The following POC1A variants were observed in gnomAD, a reference collection of about 807,000 sequenced individuals.
POC1A encodes POC1 centriolar protein homolog A.
In POC1A, 34 loss-of-function variants were observed where a neutral mutation model predicts 47.8. The observed-to-expected ratio is 0.71, with a 90% confidence interval of 0.54 to 0.95. The LOEUF is 0.95. POC1A is among the 40% of genes least tolerant of loss of function. The pLI is 0.00. For synonymous variants in POC1A, 177 were observed against 207.6 expected, an observed-to-expected ratio of 0.85 and a Z score of 1.27; for missense variants, 466 against 528.3, an observed-to-expected ratio of 0.88 and a Z score of 1.16.
At chr3:52,152,292 G>A (rs148137143) in intron 1 of POC1A, among the ~76,000 whole-genome samples, 44 of 151,566 alleles carry the variant, frequency 2.9e-4, no homozygotes, top group African/African-American at 9.9e-4. Context: ...GTAGTTAGCC[G>A]GGCACAGTGG....
intron 9 of POC1A, among the ~76,000 whole-genome samples, chr3:52,121,465 G>C (rs768091183): frequency 2.6e-5 from 4 of 152,224 alleles, no homozygotes; most frequent in Non-Finnish European, 5.9e-5. Flanking sequence ...CCAATGCCTA[G>C]AGGCAGACCA....
chr3:52,085,629 A>C (rs572209775), intron 10 of POC1A, among the ~76,000 whole-genome samples: 1 of 152,150 alleles, frequency 6.6e-6, no homozygotes, highest in East Asian at 1.9e-4. Flanking sequence ...GGGCCCTTGG[A>C]AAATGCCACT....
chr3:52,115,398 C>A (rs571901483), intron 9 of POC1A, among the ~76,000 whole-genome samples: 36 of 152,296 alleles, frequency 2.4e-4, no homozygotes, highest in African/African-American at 8.7e-4. Context: ...ACCTACAACA[C>A]CGCTCTTGCT....
chr3:52,124,049 G>A (rs752706697), intron 8 of POC1A, among the ~76,000 whole-genome samples: 15 of 152,176 alleles, frequency 9.9e-5, no homozygotes, highest in Non-Finnish European at 1.9e-4. Flanking sequence ...TGCCTTACTG[G>A]AAGAGACTCA....
Position 52,145,841 on chromosome 3 carries a change from C to G in POC1A, c.679+5G>C. The stretch of plus-strand genomic sequence containing the variant: ...CTTGGGCCCAGGAGGCTGTTCACCA[C>G]TCACACTGATAATGCTGCAGCAGCC... On this transcript the variant is annotated splice_donor_5th_base_variant and intron_variant, in intron 6 of 10. Coordinates refer to ENST00000296484, the MANE Select transcript of POC1A (RefSeq NM_015426.5). The G allele has an allele frequency of 6.2e-7, 1 of 1,601,500 alleles. No homozygotes were observed. The highest frequency in any genetic ancestry group is 8.6e-7 in the Non-Finnish European group (1 of 1,168,946).
At chr3:52,112,076 G>A (rs1482968073) in intron 9 of POC1A, among the ~76,000 whole-genome samples, 4 of 152,222 alleles carry the variant, frequency 2.6e-5, no homozygotes, top group African/African-American at 7.2e-5. Flanking sequence ...CCACACGCCT[G>A]CCTGTCTGGT....
At chr3:52,077,236 C>T (rs1702144342) in intron 10 of POC1A, among the ~76,000 whole-genome samples, 1 of 152,262 alleles carries the variant, frequency 6.6e-6, no homozygotes, top group African/African-American at 2.4e-5. Context: ...TTAACCTCAC[C>T]CGTGTGCTTT....
intron 10 of POC1A, among the ~76,000 whole-genome samples, chr3:52,082,911 CAT>C (rs1365427118): frequency 4.6e-5 from 7 of 152,128 alleles, no homozygotes; most frequent in East Asian, 1.9e-4. Context: ...TCTCTACTGA[CAT>C]AGAGTAATTA....
At chr3:52,109,080 C>A (rs1213813929) in intron 9 of POC1A, among the ~76,000 whole-genome samples, 1 of 152,196 alleles carries the variant, frequency 6.6e-6, no homozygotes, top group Non-Finnish European at 1.5e-5. Context: ...GCCCCCTCAG[C>A]TACTCCGCCT....
chr3:52,146,787 G>A (rs577463384), intron 5 of POC1A, among the ~76,000 whole-genome samples: 28 of 152,212 alleles, frequency 1.8e-4, no homozygotes, highest in Admixed American at 8.5e-4. Flanking sequence ...TTTGTGGGAT[G>A]GGGCCAAAGC....
At chr3:52,097,665 T>C (rs147397171) in intron 9 of POC1A, among the ~76,000 whole-genome samples, 18 of 152,306 alleles carry the variant, frequency 1.2e-4, no homozygotes, top group Admixed American at 2.0e-4. Flanking sequence ...TCTATTCTCA[T>C]AGATCACAAA....
chr3:52,149,163 C>A, intron 4 of POC1A, 47 bp downstream of exon 4: 1 of 1,579,452 alleles, frequency 6.3e-7, no homozygotes, highest in South Asian at 1.1e-5. Flanking sequence ...GGCCAGCCCC[C>A]AACCCCCAGG....
At chr3:52,103,697 C>T (rs1703074651) in intron 9 of POC1A, among the ~76,000 whole-genome samples, 1 of 151,846 alleles carries the variant, frequency 6.6e-6, no homozygotes, top group Non-Finnish European at 1.5e-5. Context: ...CTTCAAAATC[C>T]AAAACTTCTG....
chr3:52,125,942 G>T (rs1429415142), intron 7 of POC1A, among the ~76,000 whole-genome samples: 1 of 152,152 alleles, frequency 6.6e-6, no homozygotes, highest in African/African-American at 2.4e-5. Flanking sequence ...AGCAAAGGAG[G>T]GTTCTTCCCC....
chr3:52,122,446 A>G lies in POC1A; in HGVS notation c.914T>C (p.Val305Ala). ...VMVWKSNFDI[V>A]DHGEVTKVPR... ...CACTTTCGTGACTTCTCCATGATCA[A>G]CAATATCAAAGTTACTCTTCCAAAC... is the stretch of plus-strand genomic sequence containing the variant. The change falls in exon 9 of 11, where the codon GTT becomes GCT. Residue 305 changes from valine (V) to alanine (A), a missense_variant. Physicochemically the swap from Val to Ala is moderately conservative, Grantham distance 64. Coordinates refer to ENST00000296484, the MANE Select transcript of POC1A (RefSeq NM_015426.5). 2 of 1,612,562 alleles carry G rather than the reference A, an allele frequency of 1.2e-6. No homozygotes were observed. The highest frequency in any genetic ancestry group is 2.2e-5 in the South Asian group (2 of 91,054).
At chr3:52,129,947 CA>C (rs1322627825) in intron 7 of POC1A, among the ~76,000 whole-genome samples, 9 of 152,250 alleles carry the variant, frequency 5.9e-5, no homozygotes, top group African/African-American at 1.9e-4. Flanking sequence ...TAAGGCAAAA[CA>C]AGGGAGCCCA....
Position 52,075,348 on chromosome 3 carries a change from C to T in POC1A, c.*539G>A, listed in dbSNP as rs531253460. On this transcript the variant is annotated 3_prime_UTR_variant, in exon 11 of 11. Transcript: ENST00000296484. Reference sequence around the variant, plus strand: ...CAGTGAACACGTGTGGAACAGAAATCAGGGCCACTGAAAAGCCACCACCCA... The same window carrying T: ...CAGTGAACACGTGTGGAACAGAAATTAGGGCCACTGAAAAGCCACCACCCA... 1 of 155,044 alleles carries T rather than the reference C, an allele frequency of 6.4e-6. No homozygotes were observed. The highest frequency in any genetic ancestry group is 2.0e-4 in the South Asian group (1 of 5,078). 9.6% of individuals were successfully genotyped at this position (155,044 alleles called of 1,614,324 possible). A position where few individuals can be genotyped will look rare whatever the true frequency, so the allele number is the denominator to read the frequency against.
At position 52,150,001 on chromosome 3, in the gene POC1A, G is replaced by GT; in HGVS notation, c.104-15dup. The GT allele has an allele frequency of 6.2e-7, 1 of 1,607,496 alleles. No homozygotes were observed. Among genetic ancestry groups the GT allele is most frequent in the African/African-American group, 1.3e-5 (1 of 74,946 alleles). ...TGGAGCCACTGGCTGAGGACAGTGGGTGATGCTATGACCTACAGCTCTAAC... is the reference window on the plus strand; with the variant it reads ...TGGAGCCACTGGCTGAGGACAGTGGGTTGATGCTATGACCTACAGCTCTAAC... On this transcript the variant is annotated splice_polypyrimidine_tract_variant and intron_variant, in intron 2 of 10. Coordinates refer to ENST00000296484, the MANE Select transcript of POC1A (RefSeq NM_015426.5).
At chr3:52,126,943 A>G (rs1166783564) in intron 7 of POC1A, among the ~76,000 whole-genome samples, 2 of 152,180 alleles carry the variant, frequency 1.3e-5, no homozygotes, top group African/African-American at 4.8e-5. Context: ...AACTTTGGGG[A>G]ACACATTCTA....
Sources: gnomAD v4.1 joint callset for allele counts (sites outside exome capture counted in the v4.1 genomes callset) on GRCh38, gnomAD v4.1.1 for gene constraint, MANE v1.5 for transcripts, NCBI Gene and HGNC (gene_info 2026-07-23, HGNC 2026-07-21) for gene names.